REPS1: variants seen among roughly 807,000 people sequenced by gnomAD.
The protein encoded by REPS1 is ralBP1-associated Eps domain-containing protein 1.
Under a neutral mutation model 100.9 loss-of-function variants are expected in REPS1, and 39 were observed. The ratio of observed to expected loss-of-function variants is 0.39; its 90% CI spans 0.30 to 0.50. REPS1 has a LOEUF of 0.50. REPS1 is among the 20% of genes least tolerant of loss of function. The probability of loss-of-function intolerance (pLI) is 0.86; values close to 1 mark genes in which losing one functional copy is unlikely to be tolerated. For missense variants in REPS1, 821 were observed against 968.5 expected, an observed-to-expected ratio of 0.85 and a Z score of 2.02; for synonymous variants, 324 against 340.3, an observed-to-expected ratio of 0.95 and a Z score of 0.53.
intron 9 of REPS1, chr6:138,929,357 T>C (rs1781343434): frequency 6.6e-6 from 1 of 152,178 alleles, no homozygotes; most frequent in Non-Finnish European, 1.5e-5. Flanking sequence ...TAATGGAATT[T>C]CAAATAAATT....
intron 9 of REPS1, 191 bp downstream of exon 9, chr6:138,929,786 T>C: frequency 2.1e-6 from 1 of 469,792 alleles, no homozygotes; most frequent in Non-Finnish European, 3.7e-6. Flanking sequence ...GTGGTGGAAA[T>C]CAAATGACAG....
intron 1 of REPS1, among the ~76,000 whole-genome samples, chr6:138,977,349 T>C (rs1391473494): frequency 1.3e-5 from 2 of 152,178 alleles, no homozygotes; most frequent in African/African-American, 4.8e-5. Context: ...CATGTTGTTA[T>C]TACAGATGAG....
rs1488047380 is a variant in REPS1 at position 138,987,693 on chromosome 6, G to A, written c.-11C>T. The stretch of plus-strand genomic sequence containing the variant: ...CGTTAAGCCTTCCATCTTCGCCTCC[G>A]GCTCACGGCCGCCCCGCCCCGCATG... On this transcript the variant is annotated 5_prime_UTR_variant, in exon 1 of 20. Transcript: ENST00000450536. 2.0e-6 allele frequency: 3 copies of A among 1,536,410 alleles called. No homozygotes were observed. The highest frequency in any genetic ancestry group is 2.6e-6 in the Non-Finnish European group (3 of 1,140,248).
chr6:138,975,117 C>G (rs1784526641), intron 1 of REPS1, among the ~76,000 whole-genome samples: 2 of 152,126 alleles, frequency 1.3e-5, no homozygotes, highest in Admixed American at 1.3e-4. Context: ...TTTCAAATGC[C>G]CTCCTAACTC....
rs1410529890 is a variant in REPS1, at chr6:138,935,867, G to C, written c.1135+5468C>G. ...AGACTCCATCTTGGCGGGGGGGGGGGGCGCGGGGGAGTGGTGGCCAGGGAG... is the reference window on the plus strand; with the variant it reads ...AGACTCCATCTTGGCGGGGGGGGGGCGCGCGGGGGAGTGGTGGCCAGGGAG... On this transcript the variant is annotated intron_variant, in intron 8 of 19. Coordinates refer to ENST00000450536, the MANE Select transcript of REPS1 (RefSeq NM_001286611.2). Among the ~76,000 whole-genome samples, 11 of 53,874 alleles carry C rather than the reference G, an allele frequency of 2.0e-4. 2 individuals carry two copies. Among genetic ancestry groups the C allele is most frequent in the Non-Finnish European group, 2.9e-4 (8 of 27,830 alleles). The allele number at this position is 53,874 out of a possible 152,430, so 35.3% of individuals were successfully genotyped here. A position where few individuals can be genotyped will look rare whatever the true frequency, so the allele number is the denominator to read the frequency against.
In REPS1 at chr6:138,934,379, G is replaced by C. The variant is rs1471117863; in HGVS notation, c.1136-4281C>G. Reference sequence around the variant, plus strand: ...TATTCGTTAAAGTTAACCCCAAAAGGGCTGTTACGCAAAAAGTATTTCCAC... The same window carrying C: ...TATTCGTTAAAGTTAACCCCAAAAGCGCTGTTACGCAAAAAGTATTTCCAC... On this transcript the variant is annotated intron_variant, in intron 8 of 19. Transcript: ENST00000450536. The C allele has an allele frequency of 1.3e-5, 6 of 468,186 alleles. No individual in the cohort carries two copies. In the Admixed American group the frequency reaches 1.4e-4, roughly 11 times the overall value. 29.0% of individuals were successfully genotyped at this position (468,186 alleles called of 1,614,324 possible).
chr6:138,931,489 T>C (rs1175947923), intron 8 of REPS1, among the ~76,000 whole-genome samples: 1 of 152,200 alleles, frequency 6.6e-6, no homozygotes, highest in East Asian at 1.9e-4. Context: ...TCCTTTTTAC[T>C]TACCCAGACG....
At chr6:138,907,317 T>TGTGTGTGG in intron 19 of REPS1, 178 bp downstream of exon 19, 1 of 298,512 alleles carries the variant, frequency 3.3e-6, no homozygotes, top group South Asian at 6.0e-5. Context: ...AAAAAAAGTG[T>TGTGTGTGG]GTGTGTGTGT....
At chr6:138,913,382 C>T (rs1780143593) in intron 15 of REPS1, among the ~76,000 whole-genome samples, 1 of 152,116 alleles carries the variant, frequency 6.6e-6, no homozygotes, top group Admixed American at 6.6e-5. Flanking sequence ...AACCACTGCT[C>T]TATCCTCCCA....
rs540542646 is a variant in REPS1 at position 138,906,498 on chromosome 6, C to T, written c.2322+997G>A. On this transcript the variant is annotated intron_variant, in intron 19 of 19. Coordinates refer to ENST00000450536, the MANE Select transcript of REPS1 (RefSeq NM_001286611.2). ...GTGTCTCGATTTGGATGGTATATTA[C>T]GTGGTCTTCCTAAACAGAAATGATT... 1.6e-4 allele frequency among the ~76,000 whole-genome samples: 25 copies of T among 152,220 alleles called. No homozygotes were observed. In the South Asian group the frequency reaches 3.5e-3, roughly 21 times the overall value.
chr6:138,949,727 TA>T (rs56804604), intron 1 of REPS1, among the ~76,000 whole-genome samples: 85,431 of 148,988 alleles, frequency 0.57, 24,886 homozygotes, highest in Admixed American at 0.67. Flanking sequence ...CTCCATCTCA[TA>T]AAAAAAAAAA....
Position 138,950,584 on chromosome 6 carries a change from C to A in REPS1, c.154-2671G>T, listed in dbSNP as rs551547335. Among the ~76,000 whole-genome samples, 161 of 152,294 alleles carry A rather than the reference C, an allele frequency of 1.1e-3. 1 individual carries two copies. The highest frequency in any genetic ancestry group is 5.3e-4 in the Non-Finnish European group (36 of 68,012). ...ATATTTATATGTGCTTATTTCTGGG[C>A]TCCTTATGTTACCGTTTTGTATGCT... On this transcript the variant is annotated intron_variant, in intron 1 of 19. Coordinates refer to ENST00000450536, the MANE Select transcript of REPS1 (RefSeq NM_001286611.2).
intron 1 of REPS1, among the ~76,000 whole-genome samples, chr6:138,979,461 T>A (rs1784811031): frequency 6.6e-6 from 1 of 152,154 alleles, no homozygotes; most frequent in Non-Finnish European, 1.5e-5. Flanking sequence ...ATACACCCTG[T>A]CTCTAGTTCC....
chr6:138,941,459 T>G lies in REPS1; in HGVS notation c.1011A>C (p.Ala337=), dbSNP rs757836238. The G allele has an allele frequency of 6.2e-7, 1 of 1,614,010 alleles. No individual in the cohort carries two copies. The highest frequency in any genetic ancestry group is 1.7e-5 in the Admixed American group (1 of 60,016). ...WELSDFDKDG[A]LTLDEFCAAF... ...CAGCACAAAACTCATCCAGTGTCAA[T>G]GCACCATCTTTATCAAAGTCTGAGA... Residue 337 remains alanine, a synonymous_variant, in exon 8 of 20, where the codon GCA becomes GCC. Coordinates refer to ENST00000450536, the MANE Select transcript of REPS1 (RefSeq NM_001286611.2).
In REPS1 at chr6:138,969,541, G is replaced by C. The variant is rs867206351; in HGVS notation, c.153+17989C>G. ...TGGGCTCAAGTGATCCATCTGCCTC[G>C]GCCTCCCAAAGTGCTGGGATTACAG... is the stretch of plus-strand genomic sequence containing the variant. On this transcript the variant is annotated intron_variant, in intron 1 of 19. Coordinates refer to ENST00000450536, the MANE Select transcript of REPS1 (RefSeq NM_001286611.2). 2.7e-5 allele frequency among the ~76,000 whole-genome samples: 4 copies of C among 148,672 alleles called. No individual in the cohort carries two copies. In the East Asian group the frequency reaches 5.9e-4, roughly 22 times the overall value.
intron 1 of REPS1, among the ~76,000 whole-genome samples, chr6:138,950,118 C>A (rs1042559878): frequency 6.6e-6 from 1 of 152,040 alleles, no homozygotes. Context: ...ACAAGTCTGA[C>A]CAAACTGGAA....
At chr6:138,921,866 C>A (rs967604462) in intron 10 of REPS1, among the ~76,000 whole-genome samples, 1 of 151,888 alleles carries the variant, frequency 6.6e-6, no homozygotes, top group African/African-American at 2.4e-5. Flanking sequence ...TGAGCCACTG[C>A]GCCCGGCCAG....
chr6:138,911,027 G>A (rs947263050), intron 17 of REPS1: 26 of 313,036 alleles, frequency 8.3e-5, no homozygotes, highest in Non-Finnish European at 1.3e-4. Context: ...CTATAAAGAA[G>A]TTCTACCTTA....
At chr6:138,943,174 T>C (rs764911036) in intron 7 of REPS1, among the ~76,000 whole-genome samples, 1 of 152,372 alleles carries the variant, frequency 6.6e-6, no homozygotes, top group Non-Finnish European at 1.5e-5. Flanking sequence ...CCTAAACTTA[T>C]GGCATGGTAT....
Sources: allele counts gnomAD v4.1 joint callset (sites outside exome capture counted in the v4.1 genomes callset), GRCh38; gene constraint gnomAD v4.1.1; transcripts MANE v1.5; gene names NCBI Gene and HGNC (gene_info 2026-07-23, HGNC 2026-07-21).